STK33: variants seen among roughly 807,000 people sequenced by gnomAD.
STK33 encodes the protein serine/threonine-protein kinase 33.
A neutral mutation model predicts 58.0 loss-of-function variants in STK33; 52 were observed. The ratio of observed to expected loss-of-function variants is 0.90; its 90% CI spans 0.72 to 1.13. STK33 has a LOEUF of 1.13. Among genes scored for constraint, STK33 ranks in the 50% most tolerant of loss-of-function variants. The pLI, the probability that STK33 is intolerant of heterozygous loss-of-function variation, is 0.00. For missense variants in STK33, 630 were observed against 604.2 expected, an observed-to-expected ratio of 1.04 and a Z score of -0.45; for synonymous variants, 215 against 200.1, an observed-to-expected ratio of 1.07 and a Z score of -0.63.
chr11:8,458,753 C>G (rs776127524), intron 8 of STK33, among the ~76,000 whole-genome samples: 4 of 152,298 alleles, frequency 2.6e-5, no homozygotes, highest in Non-Finnish European at 5.9e-5. Flanking sequence ...ATACATATTT[C>G]TATTCAAACA....
At chr11:8,570,531 T>G (rs796751906) in intron 1 of STK33, among the ~76,000 whole-genome samples, 17 of 152,324 alleles carry the variant, frequency 1.1e-4, no homozygotes, top group African/African-American at 3.6e-4. Flanking sequence ...CAACAACATG[T>G]GAATGGATAA....
At chr11:8,432,276 GTTAT>G in intron 14 of STK33, among the ~76,000 whole-genome samples, 1 of 152,256 alleles carries the variant, frequency 6.6e-6, no homozygotes, top group Middle Eastern at 3.4e-3. Context: ...AATTCTTGGT[GTTAT>G]TTGTCACCAG....
intron 1 of STK33, among the ~76,000 whole-genome samples, chr11:8,588,780 A>G (rs541183068): frequency 6.6e-5 from 10 of 152,364 alleles, no homozygotes; most frequent in East Asian, 1.9e-4. Flanking sequence ...AGAATAGTCT[A>G]ATATCCGGAC....
chr11:8,347,492 T>C, the STK33 span, among the ~76,000 whole-genome samples: 19 of 152,392 alleles, frequency 1.2e-4, no homozygotes, highest in African/African-American at 4.3e-4. Context: ...TGGTGGGCTC[T>C]GTTCCCTATC....
chr11:8,391,477 T>C (rs773418679), downstream of STK33, among the ~76,000 whole-genome samples: 21 of 152,366 alleles, frequency 1.4e-4, no homozygotes, highest in Admixed American at 3.3e-4. Context: ...TATTTTTAGT[T>C]ACCAAGTGGA....
At chr11:8,447,281 T>C (rs1254862263) in intron 11 of STK33, among the ~76,000 whole-genome samples, 2 of 152,196 alleles carry the variant, frequency 1.3e-5, no homozygotes, top group Non-Finnish European at 2.9e-5. Context: ...CCCTAACTCA[T>C]TTTATGAGGC....
the STK33 span, among the ~76,000 whole-genome samples, chr11:8,358,978 G>A: frequency 5.3e-5 from 8 of 152,164 alleles, no homozygotes; most frequent in Non-Finnish European, 1.0e-4. Context: ...CAAGAAGCGC[G>A]GGGATGAGCC....
At chr11:8,377,071 T>TATCAAAA in the STK33 span, among the ~76,000 whole-genome samples, 1 of 152,222 alleles carries the variant, frequency 6.6e-6, no homozygotes, top group Non-Finnish European at 1.5e-5. Flanking sequence ...TTGGTCCATT[T>TATCAAAA]ATCAAAACCA....
intron 1 of STK33, among the ~76,000 whole-genome samples, chr11:8,494,628 A>G (rs375758204): frequency 6.6e-6 from 1 of 152,176 alleles, no homozygotes; most frequent in African/African-American, 2.4e-5. Flanking sequence ...AAAAGAGCCC[A>G]CATTGCCAAG....
intron 1 of STK33, among the ~76,000 whole-genome samples, chr11:8,542,110 G>T (rs528169081): frequency 6.6e-6 from 1 of 152,274 alleles, no homozygotes; most frequent in South Asian, 2.1e-4. Context: ...TTGCTCATAG[G>T]TACAAAGTAC....
the STK33 span, among the ~76,000 whole-genome samples, chr11:8,372,479 C>T: frequency 6.6e-6 from 1 of 152,234 alleles, no homozygotes; most frequent in African/African-American, 2.4e-5. Flanking sequence ...CCAGACACCC[C>T]AGTCTTTCAG....
intron 1 of STK33, among the ~76,000 whole-genome samples, chr11:8,526,647 T>C (rs1347547282): frequency 2.0e-5 from 3 of 152,086 alleles, no homozygotes; most frequent in Non-Finnish European, 2.9e-5. Flanking sequence ...GATGGTATAT[T>C]CATTCAATGG....
chr11:8,440,597 A>T, intron 12 of STK33, 81 bp downstream of exon 12: 1 of 1,166,580 alleles, frequency 8.6e-7, no homozygotes, highest in African/African-American at 1.6e-5. Context: ...AATATATATT[A>T]GTTTTAATTT....
At chr11:8,471,018 A>G (rs990111760) in intron 6 of STK33, among the ~76,000 whole-genome samples, 3 of 152,220 alleles carry the variant, frequency 2.0e-5, no homozygotes, top group Non-Finnish European at 4.4e-5. Context: ...AAAACTTCAA[A>G]TTTGTAAAAA....
At chr11:8,384,374 T>G in the STK33 span, among the ~76,000 whole-genome samples, 1 of 152,060 alleles carries the variant, frequency 6.6e-6, no homozygotes, top group African/African-American at 2.4e-5. Flanking sequence ...AGGCGCTCAT[T>G]ACTTAGCAGA....
intron 1 of STK33, among the ~76,000 whole-genome samples, chr11:8,516,654 G>A (rs1029044241): frequency 6.6e-6 from 1 of 152,222 alleles, no homozygotes; most frequent in Non-Finnish European, 1.5e-5. Flanking sequence ...TTTTCCAAAT[G>A]ACCTTAGCAA....
intron 1 of STK33, among the ~76,000 whole-genome samples, chr11:8,510,601 C>A (rs1333596190): frequency 1.3e-5 from 2 of 152,002 alleles, no homozygotes; most frequent in Non-Finnish European, 2.9e-5. Context: ...AAGAGTCTTT[C>A]CAATGTTATC....
chr11:8,420,714 T>C (rs547514154), intron 14 of STK33, among the ~76,000 whole-genome samples: 1 of 152,344 alleles, frequency 6.6e-6, no homozygotes, highest in South Asian at 2.1e-4. Flanking sequence ...AAAGGAATAT[T>C]GACCAGGTGA....
chr11:8,386,858 A>G, the STK33 span, among the ~76,000 whole-genome samples: 1 of 152,206 alleles, frequency 6.6e-6, no homozygotes, highest in Admixed American at 6.5e-5. Flanking sequence ...TGGGAAATCG[A>G]AACATGATAG....
Sources: allele counts gnomAD v4.1 joint callset (sites outside exome capture counted in the v4.1 genomes callset), GRCh38; gene constraint gnomAD v4.1.1; transcripts MANE v1.5; gene names NCBI Gene and HGNC (gene_info 2026-07-23, HGNC 2026-07-21).